Variants in PLEKHG6 observed in about 807,000 individuals in gnomAD.
The protein encoded by PLEKHG6 is pleckstrin homology domain-containing family G member 6.
A neutral mutation model predicts 97.5 loss-of-function variants in PLEKHG6; 91 were observed. The observed-to-expected ratio is 0.93, with a 90% CI of 0.79 to 1.11. PLEKHG6 has a LOEUF of 1.11. Ranked by LOEUF, PLEKHG6 falls within the 50% of genes most tolerant of loss-of-function variation. The pLI is 0.00. For synonymous variants in PLEKHG6, 466 were observed against 425.5 expected (o/e 1.10, Z -1.17); for missense variants, 1,044 against 1,031.0 (o/e 1.01, Z -0.17).
chr12:6,315,948 G>T lies in PLEKHG6; in HGVS notation c.606+29G>T. 1 of 1,553,970 alleles carries T rather than the reference G, an allele frequency of 6.4e-7. No homozygotes were observed. The highest frequency in any genetic ancestry group is 8.7e-7 in the Non-Finnish European group (1 of 1,144,964). On this transcript the variant is annotated intron_variant, in intron 6 of 15. Transcript: ENST00000684764. The surrounding 1 kb of genome is among the most constrained non-coding windows in gnomAD (Gnocchi z 4.5). ...AGTGGGTGCTCAGGAGGGGACCCTG[G>T]CACAGCCCGACCTCTGAGCCTGGGG...
chr12:6,327,903 C>A lies in PLEKHG6; in HGVS notation c.2320C>A (p.Arg774=). Residue 774 remains arginine, a synonymous_variant, in exon 15 of 16, where the codon CGG becomes AGG. Coordinates refer to ENST00000684764, the MANE Select transcript of PLEKHG6 (RefSeq NM_001384598.1). Reference sequence around the variant, plus strand: ...GACTCGGGCCCAGCTGCAGAGGATGCGGGGGCCCCACATCATTCAGCTGGA... The same window carrying A: ...GACTCGGGCCCAGCTGCAGAGGATGAGGGGGCCCCACATCATTCAGCTGGA... The part of the protein sequence containing the change: ...KLTRAQLQRM[R]GPHIIQLDTP... 6.7e-7 allele frequency: 1 copy of A among 1,483,392 alleles called. No individual in the cohort carries two copies. Among genetic ancestry groups the A allele is most frequent in the African/African-American group, 1.4e-5 (1 of 71,124 alleles). 91.9% of individuals were successfully genotyped at this position (1,483,392 alleles called of 1,614,324 possible). A position where few individuals can be genotyped will look rare whatever the true frequency, so the allele number is the denominator to read the frequency against.
In PLEKHG6 at chr12:6,317,424, G is replaced by C; in HGVS notation, c.867+11G>C. The stretch of plus-strand genomic sequence containing the variant: ...CATGCCTTCGTGCAGGTGGGAGAAG[G>C]GGTGCTGGGGAGGGGGACGGGTGCA... On this transcript the variant is annotated intron_variant, in intron 8 of 15. Coordinates refer to ENST00000684764, the MANE Select transcript of PLEKHG6 (RefSeq NM_001384598.1). 6.2e-7 allele frequency: 1 copy of C among 1,611,556 alleles called. No homozygotes were observed. Among genetic ancestry groups the C allele is most frequent in the African/African-American group, 1.3e-5 (1 of 74,922 alleles).
chr12:6,317,736 G>A (rs1421985413), intron 9 of PLEKHG6, 40 bp downstream of exon 9: 3 of 1,606,452 alleles, frequency 1.9e-6, no homozygotes, highest in African/African-American at 1.3e-5. Context: ...GTGAATCGGG[G>A]ACTGGGAGGG....
At chr12:6,318,087 G>A in intron 10 of PLEKHG6, 93 bp downstream of exon 10, 1 of 1,436,342 alleles carries the variant, frequency 7.0e-7, no homozygotes, top group Non-Finnish European at 9.4e-7. Flanking sequence ...CCCGTACTTG[G>A]GTGCTACAAG....
intron 13 of PLEKHG6, 25 bp downstream of exon 13, chr12:6,319,133 G>T (rs1379017851): frequency 1.3e-6 from 2 of 1,499,466 alleles, no homozygotes; most frequent in Non-Finnish European, 1.8e-6. Flanking sequence ...GCAACGGGGA[G>T]GCATGGGCAG....
intron 2 of PLEKHG6, chr12:6,312,612 T>A: frequency 7.7e-7 from 1 of 1,296,836 alleles, no homozygotes; most frequent in African/African-American, 1.5e-5. Flanking sequence ...CGAGGAGTGC[T>A]GTTAGACAGG....
Position 6,315,744 on chromosome 12 carries a change from C to A in PLEKHG6, c.555+95C>A. On this transcript the variant is annotated intron_variant, in intron 5 of 15. Coordinates refer to ENST00000684764, the MANE Select transcript of PLEKHG6 (RefSeq NM_001384598.1). This position sits in a 1 kb window ranked among gnomAD's most constrained non-coding sequence, Gnocchi z 4.5. The stretch of plus-strand genomic sequence containing the variant: ...GGCAGGTCACTGGGGGAGGGAGGGG[C>A]AGGATTTCAGGCCAGTCTGGGATGC... The A allele has an allele frequency of 8.3e-7, 1 of 1,202,448 alleles. No individual in the cohort carries two copies. Among genetic ancestry groups the A allele is most frequent in the Non-Finnish European group, 1.2e-6 (1 of 848,040 alleles). The allele number at this position is 1,202,448 out of a possible 1,614,324, so 74.5% of individuals were successfully genotyped here.
At chr12:6,323,919 C>A (rs773984648) in intron 13 of PLEKHG6, among the ~76,000 whole-genome samples, 4 of 151,962 alleles carry the variant, frequency 2.6e-5, no homozygotes, top group Non-Finnish European at 1.5e-5. Flanking sequence ...TCAGTGGGCA[C>A]GTTTCAGAGT....
intron 1 of PLEKHG6, 39 bp from the exon 2 acceptor site, chr12:6,312,120 T>C (rs1947292030): frequency 2.0e-6 from 2 of 977,584 alleles, no homozygotes; most frequent in Non-Finnish European, 1.4e-6. Context: ...CATTCACTGA[T>C]TGGGGATGGC....
rs536845147 is a variant in PLEKHG6, at chr12:6,316,914, A to G, written c.757-389A>G. 2.0e-5 allele frequency among the ~76,000 whole-genome samples: 3 copies of G among 152,158 alleles called. No individual in the cohort carries two copies. Among genetic ancestry groups the G allele is most frequent in the African/African-American group, 7.2e-5 (3 of 41,436 alleles). ...CCTGGGAGCCTTAGGTACCCCCTCC[A>G]TAGGAGCAAGGCTTCTGAGCCAACT... On this transcript the variant is annotated intron_variant, in intron 7 of 15. Transcript: ENST00000684764. This position sits in a 1 kb window ranked among gnomAD's most constrained non-coding sequence, Gnocchi z 4.1.
chr12:6,315,751 T>G lies in PLEKHG6; in HGVS notation c.555+102T>G. On this transcript the variant is annotated intron_variant, in intron 5 of 15. Transcript: ENST00000684764. This position sits in a 1 kb window ranked among gnomAD's most constrained non-coding sequence, Gnocchi z 4.5. Reference sequence around the variant, plus strand: ...CACTGGGGGAGGGAGGGGCAGGATTTCAGGCCAGTCTGGGATGCAGGGAGA... The same window carrying G: ...CACTGGGGGAGGGAGGGGCAGGATTGCAGGCCAGTCTGGGATGCAGGGAGA... The G allele has an allele frequency of 2.5e-6, 3 of 1,224,278 alleles. No homozygotes were observed. Among genetic ancestry groups the G allele is most frequent in the Non-Finnish European group, 3.5e-6 (3 of 867,280 alleles). The allele number at this position is 1,224,278 out of a possible 1,614,324, so 75.8% of individuals were successfully genotyped here.
Position 6,327,881 on chromosome 12 carries a change from T to G in PLEKHG6, c.2298T>G (p.Thr766=). The G allele has an allele frequency of 2.7e-6, 4 of 1,495,134 alleles. No individual in the cohort carries two copies. Among genetic ancestry groups the G allele is most frequent in the Non-Finnish European group, 3.6e-6 (4 of 1,123,284 alleles). The allele number at this position is 1,495,134 out of a possible 1,614,324, so 92.6% of individuals were successfully genotyped here. The change falls in exon 15 of 16, where the codon ACT becomes ACG. Residue 766 remains threonine (T), a synonymous_variant. Transcript: ENST00000684764. ...GGGACAGCAGGCCACGGAAGCTGAC[T>G]CGGGCCCAGCTGCAGAGGATGCGGG... The part of the protein sequence containing the change: ...EPRDSRPRKL[T]RAQLQRMRGP...
chr12:6,317,426 G>T lies in PLEKHG6; in HGVS notation c.867+13G>T. The T allele has an allele frequency of 6.2e-7, 1 of 1,610,570 alleles. No homozygotes were observed. Among genetic ancestry groups the T allele is most frequent in the Non-Finnish European group, 8.5e-7 (1 of 1,177,116 alleles). On this transcript the variant is annotated intron_variant, in intron 8 of 15. Coordinates refer to ENST00000684764, the MANE Select transcript of PLEKHG6 (RefSeq NM_001384598.1). The stretch of plus-strand genomic sequence containing the variant: ...TGCCTTCGTGCAGGTGGGAGAAGGG[G>T]TGCTGGGGAGGGGGACGGGTGCATC...
chr12:6,316,225 T>G lies in PLEKHG6; in HGVS notation c.607-30T>G. The G allele has an allele frequency of 6.6e-7, 1 of 1,525,486 alleles. No individual in the cohort carries two copies. The highest frequency in any genetic ancestry group is 1.4e-5 in the African/African-American group (1 of 72,760). 94.5% of individuals were successfully genotyped at this position (1,525,486 alleles called of 1,614,324 possible). On this transcript the variant is annotated intron_variant, in intron 6 of 15. Transcript: ENST00000684764. This position sits in a 1 kb window ranked among gnomAD's most constrained non-coding sequence, Gnocchi z 4.1. ...GCCACCCCTGGGGACCTTCCAAAAG[T>G]GTGCTGCTCAGCTCTGCTCCCTCCT...
rs373302901 is a variant in PLEKHG6 at position 6,313,639 on chromosome 12, G to T, written c.149G>T (p.Arg50Leu). 1.2e-6 allele frequency: 2 copies of T among 1,613,874 alleles called. No homozygotes were observed. Among genetic ancestry groups the T allele is most frequent in the Admixed American group, 3.3e-5 (2 of 59,994 alleles). ...CTGCTCCTCTCCCAGGATCCCAGTC[G>T]CCGACGCCTCCAGCAGTATGTCCCC... Reference protein sequence around the residue: ...PRGYPVLDPSRRRLQQYVPFA... With the variant: ...PRGYPVLDPSLRRLQQYVPFA... Residue 50 changes from arginine to leucine, a missense_variant, in exon 3 of 16, where the codon CGC becomes CTC. Transcript: ENST00000684764.
At chr12:6,318,265 C>T in intron 10 of PLEKHG6, 36 bp from the exon 11 acceptor site, 1 of 1,612,796 alleles carries the variant, frequency 6.2e-7, no homozygotes, top group Non-Finnish European at 8.5e-7. Flanking sequence ...AGGCAGACTG[C>T]CGAGCGCCCT....
At chr12:6,324,788 C>A (rs1947813708) in intron 13 of PLEKHG6, among the ~76,000 whole-genome samples, 1 of 152,294 alleles carries the variant, frequency 6.6e-6, no homozygotes, top group East Asian at 1.9e-4. Context: ...CCAGCTGCTC[C>A]CCGGGTTTCT....
intron 13 of PLEKHG6, among the ~76,000 whole-genome samples, chr12:6,325,740 G>T (rs1339709263): frequency 1.3e-5 from 2 of 152,146 alleles, no homozygotes; most frequent in Admixed American, 1.3e-4. Flanking sequence ...ACCAGGGAGG[G>T]CTTCCTGAAG....
chr12:6,312,799 G>C (rs1321367308), intron 2 of PLEKHG6: 1 of 1,224,420 alleles, frequency 8.2e-7, no homozygotes, highest in East Asian at 4.0e-5. Context: ...GTAGGGACAG[G>C]AGGGTGCCTG....
Sources: allele counts gnomAD v4.1 joint callset (sites outside exome capture counted in the v4.1 genomes callset), GRCh38; gene constraint gnomAD v4.1.1; non-coding constraint Gnocchi (gnomAD v3.1); transcripts MANE v1.5; gene names NCBI Gene and HGNC (gene_info 2026-07-23, HGNC 2026-07-21).